Variants in NELL2 observed in about 807,000 individuals in gnomAD.
The protein encoded by NELL2 is protein kinase C-binding protein NELL2.
In NELL2, 41 loss-of-function variants were observed where a neutral mutation model predicts 109.6. The observed-to-expected ratio is 0.37, with a 90% confidence interval of 0.29 to 0.49. The LOEUF is 0.49. NELL2 is among the 20% of genes least tolerant of loss of function. NELL2 has a pLI of 0.98. For synonymous variants in NELL2, 355 were observed against 344.7 expected, an observed-to-expected ratio of 1.03 and a Z score of -0.33; for missense variants, 900 against 1,008.3, an observed-to-expected ratio of 0.89 and a Z score of 1.45.
chr12:44,883,315 T>C (rs1303453845), intron 1 of NELL2, among the ~76,000 whole-genome samples: 1 of 152,050 alleles, frequency 6.6e-6, no homozygotes, highest in Non-Finnish European at 1.5e-5. Flanking sequence ...CCTTGGCTCA[T>C]TGCCCCCTCC....
At chr12:44,527,363 A>G (rs1367715914) in intron 16 of NELL2, among the ~76,000 whole-genome samples, 2 of 152,244 alleles carry the variant, frequency 1.3e-5, no homozygotes, top group African/African-American at 2.4e-5. Flanking sequence ...TTTTAGGCAC[A>G]GTGGAAATGG....
At position 44,820,955 on chromosome 12, in the gene NELL2, G is replaced by C. The variant is rs548347507; in HGVS notation, c.185-4819C>G. ...ATAGGCGTGCCTGAGTAAATCACAG[G>C]AGTCACAGGAATGAGAGGAGGATGG... On this transcript the variant is annotated intron_variant, in intron 2 of 19. Coordinates refer to ENST00000429094, the MANE Select transcript of NELL2 (RefSeq NM_001145108.2). 1.2e-3 allele frequency among the ~76,000 whole-genome samples: 176 copies of C among 151,966 alleles called. 1 individual carries two copies. Among genetic ancestry groups the C allele is most frequent in the Non-Finnish European group, 1.7e-3 (113 of 68,002 alleles).
chr12:44,606,588 A>G (rs1250604316), intron 15 of NELL2, among the ~76,000 whole-genome samples: 1 of 152,156 alleles, frequency 6.6e-6, no homozygotes. Context: ...AGTTATATGT[A>G]GACTATATAT....
chr12:44,525,802 T>A (rs1039029718), intron 16 of NELL2, among the ~76,000 whole-genome samples: 1 of 152,222 alleles, frequency 6.6e-6, no homozygotes. Context: ...CTTGATACAT[T>A]TTCCCTACTT....
At chr12:44,692,143 CT>C (rs1406654252) in intron 12 of NELL2, among the ~76,000 whole-genome samples, 4 of 152,148 alleles carry the variant, frequency 2.6e-5, no homozygotes, top group Non-Finnish European at 2.9e-5. Context: ...GAGGTTGACT[CT>C]CTTGTTAGGG....
chr12:44,802,797 T>G (rs1942875232), intron 3 of NELL2, among the ~76,000 whole-genome samples: 1 of 152,036 alleles, frequency 6.6e-6, no homozygotes, highest in Admixed American at 6.6e-5. Context: ...TAAAAACAAG[T>G]GTCAATTTTC....
At chr12:44,805,707 A>G (rs953859207) in intron 3 of NELL2, among the ~76,000 whole-genome samples, 5 of 151,914 alleles carry the variant, frequency 3.3e-5, no homozygotes, top group African/African-American at 1.2e-4. Flanking sequence ...ATACCTTTCC[A>G]GACCCACAAT....
At chr12:44,705,158 A>T (rs1210482683) in intron 11 of NELL2, among the ~76,000 whole-genome samples, 1 of 152,158 alleles carries the variant, frequency 6.6e-6, no homozygotes, top group Non-Finnish European at 1.5e-5. Flanking sequence ...ATCTGTAATC[A>T]AATTGGTGTT....
chr12:44,908,594 A>T (rs751866241), intron 1 of NELL2, among the ~76,000 whole-genome samples: 5 of 151,930 alleles, frequency 3.3e-5, no homozygotes, highest in Non-Finnish European at 7.4e-5. Context: ...TAGCAAGATC[A>T]CCCACATGGA....
At chr12:44,579,011 T>G (rs1211412943) in intron 15 of NELL2, among the ~76,000 whole-genome samples, 1 of 152,196 alleles carries the variant, frequency 6.6e-6, no homozygotes, top group Non-Finnish European at 1.5e-5. Flanking sequence ...TCAATTCAGG[T>G]TTGGAGCTCA....
chr12:44,845,053 CAA>C (rs1160790825), intron 2 of NELL2, among the ~76,000 whole-genome samples: 14 of 152,038 alleles, frequency 9.2e-5, no homozygotes, highest in African/African-American at 3.4e-4. Context: ...CCCAAAATTC[CAA>C]TATAGTTTCC....
intron 3 of NELL2, among the ~76,000 whole-genome samples, chr12:44,783,794 C>T (rs1055879693): frequency 6.6e-6 from 1 of 151,848 alleles, no homozygotes; most frequent in Non-Finnish European, 1.5e-5. Flanking sequence ...CAGAAAGTAA[C>T]AGAGAGAAAA....
intron 12 of NELL2, among the ~76,000 whole-genome samples, chr12:44,696,394 C>T (rs1041033966): frequency 3.3e-5 from 5 of 152,098 alleles, no homozygotes; most frequent in Non-Finnish European, 5.9e-5. Flanking sequence ...AAGTGAGTTG[C>T]TTTGCAAATT....
intron 15 of NELL2, among the ~76,000 whole-genome samples, chr12:44,541,721 A>T (rs901579761): frequency 4.0e-4 from 61 of 152,292 alleles, no homozygotes; most frequent in African/African-American, 1.5e-3. Context: ...GGGTCCCCAA[A>T]CATACTGAAT....
At chr12:44,618,742 A>G (rs1013855674) in intron 13 of NELL2, among the ~76,000 whole-genome samples, 3 of 152,186 alleles carry the variant, frequency 2.0e-5, no homozygotes, top group African/African-American at 7.2e-5. Flanking sequence ...ACTATGATAT[A>G]TTGTAGAAGT....
At chr12:44,534,626 C>A (rs1379141740) in intron 15 of NELL2, among the ~76,000 whole-genome samples, 2 of 152,076 alleles carry the variant, frequency 1.3e-5, no homozygotes, top group African/African-American at 4.8e-5. Flanking sequence ...TTTATATGGT[C>A]TTTTCTTCTA....
In NELL2 at chr12:44,610,886, C is replaced by T; in HGVS notation, c.1529G>A (p.Cys510Tyr). The T allele has an allele frequency of 6.2e-7, 1 of 1,613,182 alleles. No homozygotes were observed. The highest frequency in any genetic ancestry group is 8.5e-7 in the Non-Finnish European group (1 of 1,179,378). Reference protein sequence around the residue: ...FNTVGGHNCVCKPGYTGNGTT... With the variant: ...FNTVGGHNCVYKPGYTGNGTT... ...TCCATTCCCTGTATAGCCCGGCTTGCAAACACAGTTGTGTCCTCCAACAGT... is the reference window on the plus strand; with the variant it reads ...TCCATTCCCTGTATAGCCCGGCTTGTAAACACAGTTGTGTCCTCCAACAGT... Residue 510 changes from cysteine (C) to tyrosine (Y), a missense_variant, in exon 14 of 20, where the codon TGC becomes TAC. By Grantham distance (194) the Cys-to-Tyr change is radical. Around this residue, in one of 4 missense-constraint regions of NELL2, gnomAD observed 333 missense variants for 432.3 expected, o/e 0.77. Coordinates refer to ENST00000429094, the MANE Select transcript of NELL2 (RefSeq NM_001145108.2).
At chr12:44,637,276 T>G (rs1362761953) in intron 13 of NELL2, among the ~76,000 whole-genome samples, 9 of 151,618 alleles carry the variant, frequency 5.9e-5, no homozygotes, top group Non-Finnish European at 4.4e-5. Flanking sequence ...AGTTATTTCT[T>G]GTCTTCTGCT....
intron 9 of NELL2, among the ~76,000 whole-genome samples, chr12:44,745,757 T>C (rs1940306047): frequency 6.6e-6 from 1 of 152,160 alleles, no homozygotes; most frequent in South Asian, 2.1e-4. Flanking sequence ...GAAGGACCTC[T>C]TCAAGGACAA....
Sources: gnomAD v4.1 joint callset for allele counts (sites outside exome capture counted in the v4.1 genomes callset) on GRCh38, gnomAD v4.1.1 for gene constraint, gnomAD v4.1.1 regional missense constraint, MANE v1.5 for transcripts, NCBI Gene and HGNC (gene_info 2026-07-23, HGNC 2026-07-21) for gene names.